The following SBF2 variants were observed in gnomAD, a reference collection of about 807,000 sequenced individuals.
SBF2 encodes the protein SET binding factor 2.
In SBF2, 112 loss-of-function variants were observed where a neutral mutation model predicts 225.2. The observed-to-expected ratio is 0.50, with a 90% CI of 0.43 to 0.58. The LOEUF (loss-of-function observed/expected upper bound fraction) is 0.58, where lower values mean the gene tolerates loss of function less well. Among genes scored for constraint, SBF2 ranks in the 20% least tolerant of loss-of-function variants. SBF2 has a pLI of 0.00. For missense variants in SBF2, 1,996 were observed against 2,206.2 expected (o/e 0.90, Z 1.91); for synonymous variants, 763 against 773.3 (o/e 0.99, Z 0.22).
chr11:10,171,902 T>C lies in SBF2; in HGVS notation c.141+22000A>G, dbSNP rs143049628. 8.2e-4 allele frequency among the ~76,000 whole-genome samples: 125 copies of C among 152,316 alleles called. No individual in the cohort carries two copies. In the Middle Eastern group the frequency reaches 0.01, roughly 12 times the overall value. ...TTGTAAATCTCTGGGAATTTATCCA[T>C]TTCTTCCAGGTTTTCCAATTTATTG... On this transcript the variant is annotated intron_variant, in intron 2 of 39. Coordinates refer to ENST00000256190, the MANE Select transcript of SBF2 (RefSeq NM_030962.4).
intron 16 of SBF2, among the ~76,000 whole-genome samples, chr11:9,935,673 C>T (rs2134275502): frequency 6.6e-6 from 1 of 152,296 alleles, no homozygotes; most frequent in East Asian, 1.9e-4. Flanking sequence ...ACCATCTGAT[C>T]TTTGACAAAC....
At chr11:9,989,141 C>A (rs893569381) in intron 13 of SBF2, among the ~76,000 whole-genome samples, 1 of 151,964 alleles carries the variant, frequency 6.6e-6, no homozygotes, top group African/African-American at 2.4e-5. Flanking sequence ...ACAGCATTTG[C>A]AGTAACCTGG....
At chr11:10,064,434 A>C (rs1280814082) in intron 2 of SBF2, among the ~76,000 whole-genome samples, 4 of 152,194 alleles carry the variant, frequency 2.6e-5, no homozygotes, top group African/African-American at 9.6e-5. Flanking sequence ...AATGGAATGA[A>C]CAGAAAACAG....
chr11:10,245,868 C>T (rs550713752), intron 1 of SBF2, among the ~76,000 whole-genome samples: 5 of 152,212 alleles, frequency 3.3e-5, no homozygotes, highest in East Asian at 1.9e-4. Context: ...AAGGACACTA[C>T]GCTAAGTGAA....
At chr11:10,185,458 T>C (rs915348152) in intron 2 of SBF2, among the ~76,000 whole-genome samples, 11 of 152,190 alleles carry the variant, frequency 7.2e-5, no homozygotes, top group African/African-American at 2.4e-4. Flanking sequence ...TGTTTTGTTT[T>C]GGGGCTTTTT....
At chr11:10,024,337 T>TAAAA (rs10693088) in intron 6 of SBF2, among the ~76,000 whole-genome samples, 2 of 151,524 alleles carry the variant, frequency 1.3e-5, no homozygotes, top group South Asian at 2.1e-4. Context: ...TTTTTAAACT[T>TAAAA]AAAATAGTCA....
chr11:9,955,554 C>T (rs1310946337), intron 16 of SBF2, among the ~76,000 whole-genome samples: 1 of 152,026 alleles, frequency 6.6e-6, no homozygotes, highest in African/African-American at 2.4e-5. Context: ...ATTATATCTA[C>T]TGTCTCATAC....
intron 17 of SBF2, among the ~76,000 whole-genome samples, chr11:9,869,582 C>T (rs1858543784): frequency 6.6e-6 from 1 of 152,090 alleles, no homozygotes; most frequent in South Asian, 2.1e-4. Context: ...ATCTCATAAA[C>T]AGAACTAAAG....
intron 2 of SBF2, among the ~76,000 whole-genome samples, chr11:10,129,974 C>T (rs1460728938): frequency 3.9e-5 from 6 of 152,024 alleles, no homozygotes; most frequent in Non-Finnish European, 7.4e-5. Flanking sequence ...CATGCCACTG[C>T]ACTCCAGCCT....
intron 26 of SBF2, among the ~76,000 whole-genome samples, chr11:9,836,932 T>C (rs1855766468): frequency 6.6e-6 from 1 of 152,198 alleles, no homozygotes; most frequent in African/African-American, 2.4e-5. Context: ...CTTGTACTAG[T>C]GACCTTATCA....
chr11:10,091,221 T>C (rs1951770778), intron 2 of SBF2, among the ~76,000 whole-genome samples: 1 of 152,042 alleles, frequency 6.6e-6, no homozygotes, highest in Non-Finnish European at 1.5e-5. Flanking sequence ...TCAAAATGAG[T>C]GGCACAAACA....
At chr11:10,205,870 G>T (rs1957734117) in intron 1 of SBF2, among the ~76,000 whole-genome samples, 2 of 151,970 alleles carry the variant, frequency 1.3e-5, no homozygotes, top group African/African-American at 2.4e-5. Context: ...GCTAGCACCA[G>T]CAAGAGGTAT....
chr11:10,050,664 T>C (rs886519622), intron 2 of SBF2, among the ~76,000 whole-genome samples: 14 of 152,132 alleles, frequency 9.2e-5, no homozygotes, highest in Admixed American at 9.2e-4. Context: ...GAAAGGTGAA[T>C]GACATAAACA....
At chr11:10,113,001 T>C (rs1952951764) in intron 2 of SBF2, among the ~76,000 whole-genome samples, 1 of 152,220 alleles carries the variant, frequency 6.6e-6, no homozygotes, top group Non-Finnish European at 1.5e-5. Context: ...TTATTTGTTG[T>C]TGTTGTTTTT....
At chr11:9,908,926 G>A (rs1406558205) in intron 16 of SBF2, among the ~76,000 whole-genome samples, 2 of 150,576 alleles carry the variant, frequency 1.3e-5, no homozygotes, top group African/African-American at 2.4e-5. Flanking sequence ...GAGCTCAAGC[G>A]ATCCTCTCAC....
intron 28 of SBF2, among the ~76,000 whole-genome samples, 199 bp downstream of exon 28, chr11:9,829,157 T>C (rs189974254): frequency 5.7e-4 from 87 of 152,308 alleles, no homozygotes; most frequent in African/African-American, 2.0e-3. Flanking sequence ...ATCTCTAAGT[T>C]AAGTTACTAT....
chr11:10,155,495 T>A (rs1371808709), intron 2 of SBF2, among the ~76,000 whole-genome samples: 1 of 152,110 alleles, frequency 6.6e-6, no homozygotes, highest in Non-Finnish European at 1.5e-5. Flanking sequence ...AAGGGGAACT[T>A]TGGGGTAATG....
At chr11:10,246,979 T>G (rs1959864738) in intron 1 of SBF2, among the ~76,000 whole-genome samples, 1 of 152,086 alleles carries the variant, frequency 6.6e-6, no homozygotes, top group Non-Finnish European at 1.5e-5. Flanking sequence ...CTCAGTTACT[T>G]GGGAGGCTGA....
intron 26 of SBF2, 60 bp from the exon 27 acceptor site, chr11:9,832,480 G>A: frequency 1.6e-6 from 2 of 1,239,760 alleles, no homozygotes; most frequent in Non-Finnish European, 2.4e-6. Flanking sequence ...GGGAAGAAAA[G>A]GGGAAAGGAA....
Sources: allele counts gnomAD v4.1 joint callset (sites outside exome capture counted in the v4.1 genomes callset), GRCh38; gene constraint gnomAD v4.1.1; transcripts MANE v1.5; gene names NCBI Gene and HGNC (gene_info 2026-07-23, HGNC 2026-07-21).